COL14A1: variants seen among roughly 807,000 people sequenced by gnomAD.
COL14A1 encodes collagen alpha-1(XIV) chain.
A neutral mutation model predicts 230.3 loss-of-function variants in COL14A1; 136 were observed. That is an observed-to-expected ratio of 0.59 (90% CI 0.51 to 0.68). COL14A1 has a LOEUF of 0.68. Among genes scored for constraint, COL14A1 ranks in the 30% least tolerant of loss-of-function variants. The probability of loss-of-function intolerance (pLI) is 0.00; values close to 1 mark genes in which losing one functional copy is unlikely to be tolerated. For missense variants in COL14A1, 1,976 were observed against 2,215.8 expected (o/e 0.89, Z 2.17); for synonymous variants, 792 against 784.1 (o/e 1.01, Z -0.17).
chr8:120,276,654 A>G (rs1036900285), intron 26 of COL14A1, among the ~76,000 whole-genome samples: 1 of 151,640 alleles, frequency 6.6e-6, no homozygotes, highest in Non-Finnish European at 1.5e-5. Flanking sequence ...TGTCCCTTCA[A>G]AGGACATGAA....
rs539313897 is a variant in COL14A1, at chr8:120,133,018, C to T, written c.-38+7678C>T. Reference sequence around the variant, plus strand: ...GGATCACGAGGTCAGGAGATCGAGACCATCCTGGCTAACACGGTGAAACCC... The same window carrying T: ...GGATCACGAGGTCAGGAGATCGAGATCATCCTGGCTAACACGGTGAAACCC... On this transcript the variant is annotated intron_variant, in intron 1 of 47. Transcript: ENST00000297848. Among the ~76,000 whole-genome samples the T allele has an allele frequency of 6.6e-5, 10 of 152,154 alleles. No individual in the cohort carries two copies. The South Asian group carries it at 1.5e-3, about 22-fold the overall frequency.
chr8:120,192,564 C>T (rs1816865268), intron 5 of COL14A1, among the ~76,000 whole-genome samples: 1 of 152,084 alleles, frequency 6.6e-6, no homozygotes, highest in Admixed American at 6.5e-5. Flanking sequence ...GTGGCGTTCT[C>T]TGTATTTCCT....
At chr8:120,303,229 T>G (rs1160830535) in intron 36 of COL14A1, among the ~76,000 whole-genome samples, 1 of 152,164 alleles carries the variant, frequency 6.6e-6, no homozygotes, top group Non-Finnish European at 1.5e-5. Flanking sequence ...ATGCCTTTAT[T>G]TCTTTCTCTT....
chr8:120,309,834 G>A (rs907361316), intron 36 of COL14A1, among the ~76,000 whole-genome samples, 175 bp from the exon 37 acceptor site: 4 of 152,122 alleles, frequency 2.6e-5, no homozygotes, highest in Admixed American at 6.5e-5. Flanking sequence ...CGTCTGCAGC[G>A]CTGGGGCTGG....
chr8:120,346,803 C>T (rs537647198), intron 45 of COL14A1, among the ~76,000 whole-genome samples: 2 of 152,290 alleles, frequency 1.3e-5, no homozygotes, highest in East Asian at 1.9e-4. Flanking sequence ...CAGGCATTAG[C>T]GAACAGCCAG....
At chr8:120,290,204 C>T (rs905032464) in intron 34 of COL14A1, among the ~76,000 whole-genome samples, 4 of 152,118 alleles carry the variant, frequency 2.6e-5, no homozygotes, top group Non-Finnish European at 4.4e-5. Flanking sequence ...ACATAAGCCT[C>T]TTATTTGGGT....
intron 19 of COL14A1, among the ~76,000 whole-genome samples, chr8:120,242,598 C>T (rs1586797283): frequency 6.6e-6 from 1 of 152,118 alleles, no homozygotes; most frequent in Non-Finnish European, 1.5e-5. Flanking sequence ...TTCTCTTACA[C>T]GTTCTTAGTG....
Position 120,371,164 on chromosome 8 carries a change from A to C in COL14A1, c.5324A>C (p.Asp1775Ala). 1 of 1,610,272 alleles carries C rather than the reference A, an allele frequency of 6.2e-7. No homozygotes were observed. Among genetic ancestry groups the C allele is most frequent in the South Asian group, 1.1e-5 (1 of 90,482 alleles). The change falls in exon 48 of 48, where the codon GAT becomes GCT. Residue 1775 changes from aspartate (D) to alanine (A), a missense_variant. Physicochemically the swap from Asp to Ala is moderately radical, Grantham distance 126. This residue lies in a region of COL14A1 where 1,791 missense variants were observed against 2,019.5 expected (regional missense o/e 0.89). Coordinates refer to ENST00000297848, the MANE Select transcript of COL14A1 (RefSeq NM_021110.4). ...SAYGVRAPHP[D>A]QPEFTPVQDE... Reference sequence around the variant, plus strand: ...TTTTCCTCTTTAGCTCCCCATCCAGATCAGCCAGAGTTCACCCCTGTCCAA... The same window carrying C: ...TTTTCCTCTTTAGCTCCCCATCCAGCTCAGCCAGAGTTCACCCCTGTCCAA...
Position 120,280,959 on chromosome 8 carries a change from G to T in COL14A1, c.3724G>T (p.Asp1242Tyr), listed in dbSNP as rs1820018637. ...MMEMFGLVEK[D>Y]FSSVEGVSME... ...GGAAATGTTTGGTTTGGTTGAAAAA[G>T]ATTTTTCATCAGTGGAAGGGGTTTC... Residue 1242 changes from aspartate to tyrosine, a missense_variant, in exon 31 of 48, where the codon GAT becomes TAT. This residue lies in a region of COL14A1 where 1,791 missense variants were observed against 2,019.5 expected (regional missense o/e 0.89). Coordinates refer to ENST00000297848, the MANE Select transcript of COL14A1 (RefSeq NM_021110.4). 3 of 1,602,022 alleles carry T rather than the reference G, an allele frequency of 1.9e-6. No individual in the cohort carries two copies. Among genetic ancestry groups the T allele is most frequent in the South Asian group, 1.1e-5 (1 of 90,108 alleles).
intron 35 of COL14A1, among the ~76,000 whole-genome samples, chr8:120,300,368 A>G (rs1337022045): frequency 6.6e-6 from 1 of 152,156 alleles, no homozygotes; most frequent in Non-Finnish European, 1.5e-5. Flanking sequence ...CAGAAAAATT[A>G]TTGTAGCATA....
chr8:120,195,880 A>T (rs1317150501), intron 5 of COL14A1, among the ~76,000 whole-genome samples: 1 of 152,114 alleles, frequency 6.6e-6, no homozygotes, highest in Non-Finnish European at 1.5e-5. Context: ...ATTGTTAAGG[A>T]TTTGTGAAAC....
At chr8:120,346,615 T>G (rs1201003757) in intron 45 of COL14A1, among the ~76,000 whole-genome samples, 2 of 152,250 alleles carry the variant, frequency 1.3e-5, no homozygotes, top group Non-Finnish European at 2.9e-5. Context: ...TTGTACACAT[T>G]GTTTTCCCTC....
intron 21 of COL14A1, 29 bp from the exon 22 acceptor site, chr8:120,250,588 A>G (rs1818906426): frequency 6.2e-7 from 1 of 1,611,894 alleles, no homozygotes; most frequent in African/African-American, 1.3e-5. Context: ...ATTTTGTTGT[A>G]ACTAAAATAT....
intron 4 of COL14A1, among the ~76,000 whole-genome samples, chr8:120,163,167 G>T (rs1014219342): frequency 1.3e-5 from 2 of 152,150 alleles, no homozygotes; most frequent in African/African-American, 4.8e-5. Flanking sequence ...TTGACACAGG[G>T]ACTGTTCTAT....
At chr8:120,160,201 T>G (rs1424769919) in intron 3 of COL14A1, among the ~76,000 whole-genome samples, 1 of 152,148 alleles carries the variant, frequency 6.6e-6, no homozygotes, top group East Asian at 1.9e-4. Flanking sequence ...GCTTATTTTT[T>G]TAAAAATAAG....
chr8:120,366,708 T>C (rs1586902749), intron 45 of COL14A1, among the ~76,000 whole-genome samples: 1 of 152,348 alleles, frequency 6.6e-6, no homozygotes, highest in African/African-American at 2.4e-5. Context: ...CAAGTTTTAA[T>C]GGAAACTCAC....
chr8:120,304,220 AT>A (rs1257376493), intron 36 of COL14A1, among the ~76,000 whole-genome samples: 2 of 151,664 alleles, frequency 1.3e-5, no homozygotes, highest in Non-Finnish European at 2.9e-5. Flanking sequence ...TCTTTTGAAT[AT>A]TTTTTCATGT....
At chr8:120,328,712 C>T (rs1821769358) in intron 40 of COL14A1, among the ~76,000 whole-genome samples, 1 of 152,182 alleles carries the variant, frequency 6.6e-6, no homozygotes, top group South Asian at 2.1e-4. Flanking sequence ...CACTGACAGA[C>T]TTGTTTTTTA....
At chr8:120,292,086 T>C (rs1444336996) in intron 34 of COL14A1, among the ~76,000 whole-genome samples, 1 of 152,166 alleles carries the variant, frequency 6.6e-6, no homozygotes. Context: ...ATAATATATA[T>C]TGTACCCTCT....
Sources: allele counts gnomAD v4.1 joint callset (sites outside exome capture counted in the v4.1 genomes callset), GRCh38; gene constraint gnomAD v4.1.1; regional missense constraint gnomAD v4.1.1; transcripts MANE v1.5; gene names NCBI Gene and HGNC (gene_info 2026-07-23, HGNC 2026-07-21).